AOPEP: variants seen among roughly 807,000 people sequenced by gnomAD.
AOPEP encodes aminopeptidase O (putative).
In AOPEP, 77 loss-of-function variants were observed where a neutral mutation model predicts 98.1. The ratio of observed to expected loss-of-function variants is 0.78; its 90% CI spans 0.65 to 0.95. AOPEP has a LOEUF of 0.95. AOPEP is among the 40% of genes least tolerant of loss of function. AOPEP has a pLI of 0.00. For missense variants in AOPEP, 1,024 were observed against 1,024.7 expected (o/e 1.00, Z 0.01); for synonymous variants, 346 against 365.3 (o/e 0.95, Z 0.60).
chr9:94,821,174 G>A (rs542958446), intron 5 of AOPEP, among the ~76,000 whole-genome samples: 1 of 152,144 alleles, frequency 6.6e-6, no homozygotes, highest in South Asian at 2.1e-4. Flanking sequence ...GCTTTTTTGG[G>A]CTTTTGGGTT....
intron 14 of AOPEP, among the ~76,000 whole-genome samples, chr9:95,079,353 T>C (rs907696621): frequency 6.6e-6 from 1 of 152,274 alleles, no homozygotes; most frequent in Non-Finnish European, 1.5e-5. Context: ...CATTTAATTA[T>C]TGCTGCAAAT....
Position 94,773,075 on chromosome 9 carries a change from A to G in AOPEP, c.871A>G (p.Met291Val), listed in dbSNP as rs762312649. The change falls in exon 3 of 17, where the codon ATG (methionine) becomes GTG (valine). Residue 291 changes from methionine (M) to valine (V), a missense_variant. Physicochemically the swap from Met to Val is conservative, Grantham distance 21 (BLOSUM62 1). Coordinates refer to ENST00000375315, the MANE Select transcript of AOPEP (RefSeq NM_001193329.3). ...LFPCQEPPVAMSTWQATVRAA... is the reference protein window; with the variant it reads ...LFPCQEPPVAVSTWQATVRAA... Reference sequence around the variant, plus strand: ...TCCATGCCAGGAGCCACCCGTTGCCATGTCAACATGGCAGGCTACAGTTCG... The same window carrying G: ...TCCATGCCAGGAGCCACCCGTTGCCGTGTCAACATGGCAGGCTACAGTTCG... 1.9e-6 allele frequency: 3 copies of G among 1,613,968 alleles called. No individual in the cohort carries two copies. The highest frequency in any genetic ancestry group is 2.7e-5 in the African/African-American group (2 of 74,894).
At chr9:95,086,330 C>T (rs1435706209) in intron 16 of AOPEP, 12 of 985,310 alleles carry the variant, frequency 1.2e-5, no homozygotes, top group African/African-American at 3.5e-5. Context: ...AGCAGGGGGC[C>T]GTTTGCCCCC....
intron 13 of AOPEP, among the ~76,000 whole-genome samples, chr9:95,047,856 C>T (rs2065981353): frequency 6.6e-6 from 1 of 152,200 alleles, no homozygotes; most frequent in African/African-American, 2.4e-5. Context: ...TCCTTGCATA[C>T]AGAAAACTTA....
intron 7 of AOPEP, among the ~76,000 whole-genome samples, chr9:94,929,153 G>A (rs1040703038): frequency 1.3e-5 from 2 of 152,128 alleles, no homozygotes; most frequent in African/African-American, 2.4e-5. Flanking sequence ...CCTAGGCTCC[G>A]GGAGCACTGT....
At chr9:94,837,542 A>G (rs1265559511) in intron 5 of AOPEP, among the ~76,000 whole-genome samples, 1 of 152,256 alleles carries the variant, frequency 6.6e-6, no homozygotes, top group East Asian at 1.9e-4. Flanking sequence ...CCAATGGCAT[A>G]TCAGAAAGAT....
chr9:94,885,748 A>G (rs886904067), intron 5 of AOPEP, among the ~76,000 whole-genome samples: 1 of 152,244 alleles, frequency 6.6e-6, no homozygotes, highest in Non-Finnish European at 1.5e-5. Context: ...CAGATCAAGT[A>G]GATAAAATAC....
At chr9:94,745,211 G>A (rs562936584) in intron 1 of AOPEP, among the ~76,000 whole-genome samples, 35 of 151,602 alleles carry the variant, frequency 2.3e-4, no homozygotes, top group African/African-American at 7.5e-4. Flanking sequence ...AACCATCCCC[G>A]TTCTCCCTCC....
intron 11 of AOPEP, among the ~76,000 whole-genome samples, chr9:94,995,617 C>A (rs2061171501): frequency 6.6e-6 from 1 of 152,068 alleles, no homozygotes; most frequent in Non-Finnish European, 1.5e-5. Flanking sequence ...ACTCAGAGAT[C>A]AAGGCAGTGA....
At chr9:94,872,671 A>C (rs2046477973) in intron 5 of AOPEP, among the ~76,000 whole-genome samples, 1 of 152,214 alleles carries the variant, frequency 6.6e-6, no homozygotes, top group African/African-American at 2.4e-5. Flanking sequence ...TGTGTGCACC[A>C]TCCTGCTCAG....
intron 5 of AOPEP, among the ~76,000 whole-genome samples, chr9:94,842,541 A>C (rs2042394492): frequency 6.6e-6 from 1 of 152,232 alleles, no homozygotes; most frequent in Admixed American, 6.5e-5. Flanking sequence ...CTCATCAGAC[A>C]ATCCTATGTT....
chr9:94,815,448 T>C (rs1851498266), intron 5 of AOPEP, among the ~76,000 whole-genome samples: 1 of 152,148 alleles, frequency 6.6e-6, no homozygotes. Flanking sequence ...TTAGTTGCCA[T>C]GTCAAGAGTC....
the AOPEP span, among the ~76,000 whole-genome samples, chr9:95,131,338 C>T: frequency 1.3e-5 from 2 of 152,242 alleles, no homozygotes; most frequent in African/African-American, 4.8e-5. Context: ...GAAAGCTCCT[C>T]AGCCCCCTGC....
At chr9:95,087,782 G>A (rs2070804740), downstream of AOPEP, among the ~76,000 whole-genome samples, 1 of 152,208 alleles carries the variant, frequency 6.6e-6, no homozygotes, top group Non-Finnish European at 1.5e-5. Flanking sequence ...CCATGGGGCA[G>A]AATGTTTGAA....
At chr9:94,750,920 T>C (rs1835603225) in intron 1 of AOPEP, among the ~76,000 whole-genome samples, 1 of 151,856 alleles carries the variant, frequency 6.6e-6, no homozygotes, top group East Asian at 2.0e-4. Flanking sequence ...GCTAATTTTT[T>C]GTATTTTTAG....
chr9:94,863,355 A>T (rs2045318413), intron 5 of AOPEP, among the ~76,000 whole-genome samples: 1 of 141,620 alleles, frequency 7.1e-6, no homozygotes, highest in Admixed American at 7.7e-5. Flanking sequence ...GTCTCGGCTC[A>T]CTGCCAGCTC....
At chr9:94,952,049 C>T (rs1158680027) in intron 7 of AOPEP, among the ~76,000 whole-genome samples, 2 of 152,188 alleles carry the variant, frequency 1.3e-5, no homozygotes, top group East Asian at 3.8e-4. Context: ...AGGAAGAAGG[C>T]AAATGAGAAT....
At chr9:95,053,961 T>C (rs2066610146) in intron 13 of AOPEP, among the ~76,000 whole-genome samples, 1 of 152,156 alleles carries the variant, frequency 6.6e-6, no homozygotes, top group Non-Finnish European at 1.5e-5. Context: ...GCCATTCTCC[T>C]GTCTAGACCT....
intron 1 of AOPEP, among the ~76,000 whole-genome samples, chr9:94,728,239 G>GCGCGCGCGCGCGCGCGCGCGCACACA (rs113657409): frequency 6.8e-6 from 1 of 146,512 alleles, no homozygotes; most frequent in East Asian, 2.0e-4. Flanking sequence ...GTGCGCGCAT[G>GCGCGCGCGCGCGCGCGCGCGCACACA]CACACACACA....
Sources: allele counts gnomAD v4.1 joint callset (sites outside exome capture counted in the v4.1 genomes callset), GRCh38; gene constraint gnomAD v4.1.1; transcripts MANE v1.5; gene names NCBI Gene and HGNC (gene_info 2026-07-23, HGNC 2026-07-21).